The following FOXN3 variants were observed in gnomAD, a reference collection of about 807,000 sequenced individuals.
The protein encoded by FOXN3 is forkhead box N3, also known as forkhead box protein N3.
In FOXN3, 7 loss-of-function variants were observed where a neutral mutation model predicts 38.4. That is an observed-to-expected ratio of 0.18 (90% CI 0.10 to 0.34). The LOEUF (loss-of-function observed/expected upper bound fraction) is 0.34, where lower values mean the gene tolerates loss of function less well. FOXN3 is among the 10% of genes least tolerant of loss of function. The pLI, the probability that FOXN3 is intolerant of heterozygous loss-of-function variation, is 1.00. For missense variants in FOXN3, 456 were observed against 613.4 expected (o/e 0.74, Z 2.71); for synonymous variants, 230 against 242.2 (o/e 0.95, Z 0.47).
rs934828190 is a variant in FOXN3, at chr14:89,448,766, C to T, written c.-14-36276G>A. 1.1e-4 allele frequency among the ~76,000 whole-genome samples: 17 copies of T among 151,562 alleles called. 1 individual carries two copies. The highest frequency in any genetic ancestry group is 2.4e-4 in the African/African-American group (10 of 41,270). On this transcript the variant is annotated intron_variant, in intron 1 of 6. Transcript: ENST00000345097. Reference sequence around the variant, plus strand: ...CCAGCCTGGGCAACATCAGGAGACCCCATCTCTAAAAAAAAAATACAAAAA... The same window carrying T: ...CCAGCCTGGGCAACATCAGGAGACCTCATCTCTAAAAAAAAAATACAAAAA...
At chr14:89,506,132 C>T (rs1244898574) in intron 1 of FOXN3, among the ~76,000 whole-genome samples, 2 of 127,924 alleles carry the variant, frequency 1.6e-5, no homozygotes, top group East Asian at 2.2e-4. Context: ...CGCCTCTGCC[C>T]GGCCGCCCCT....
chr14:89,489,792 T>C (rs1208589024), intron 1 of FOXN3, among the ~76,000 whole-genome samples: 1 of 152,214 alleles, frequency 6.6e-6, no homozygotes, highest in Non-Finnish European at 1.5e-5. Context: ...GGCACACATT[T>C]ACACAGAAAC....
intron 2 of FOXN3, among the ~76,000 whole-genome samples, chr14:89,411,175 A>C (rs943665067): frequency 1.3e-5 from 2 of 151,726 alleles, no homozygotes; most frequent in Admixed American, 6.6e-5. Context: ...TCTTATGAGA[A>C]TCTAATGACT....
chr14:89,519,866 T>C (rs1220397967), intron 1 of FOXN3, among the ~76,000 whole-genome samples: 1 of 152,074 alleles, frequency 6.6e-6, no homozygotes, highest in African/African-American at 2.4e-5. Flanking sequence ...AACCTTAGAC[T>C]GGAAAACAAT....
chr14:89,198,168 C>T (rs1888145772), intron 4 of FOXN3, among the ~76,000 whole-genome samples: 1 of 152,132 alleles, frequency 6.6e-6, no homozygotes, highest in African/African-American at 2.4e-5. Context: ...GAGATGATGG[C>T]CGCGTCTGTA....
At chr14:89,448,675 A>T (rs756445148) in intron 1 of FOXN3, among the ~76,000 whole-genome samples, 8 of 152,050 alleles carry the variant, frequency 5.3e-5, no homozygotes, top group Non-Finnish European at 7.4e-5. Context: ...GCGGTGGCTA[A>T]CACCTGTATT....
chr14:89,286,574 C>T (rs1476713036), intron 3 of FOXN3, among the ~76,000 whole-genome samples: 1 of 152,144 alleles, frequency 6.6e-6, no homozygotes, highest in Admixed American at 6.6e-5. Context: ...CTGCAATTTC[C>T]CCAGGAATAA....
intron 1 of FOXN3, among the ~76,000 whole-genome samples, chr14:89,447,558 T>C (rs1892528818): frequency 6.6e-6 from 1 of 152,120 alleles, no homozygotes; most frequent in Admixed American, 6.6e-5. Context: ...AAAAACACTG[T>C]GTGGCACCTA....
At chr14:89,512,723 T>C (rs1467785654) in intron 1 of FOXN3, among the ~76,000 whole-genome samples, 1 of 152,240 alleles carries the variant, frequency 6.6e-6, no homozygotes, top group African/African-American at 2.4e-5. Context: ...CTCAAAATAA[T>C]CAATGTGTCA....
intron 4 of FOXN3, among the ~76,000 whole-genome samples, chr14:89,183,743 ATG>A (rs1265299990): frequency 6.6e-6 from 1 of 152,268 alleles, no homozygotes; most frequent in African/African-American, 2.4e-5. Context: ...CAGAAATGAG[ATG>A]TGTTTGGACT....
intron 1 of FOXN3, among the ~76,000 whole-genome samples, chr14:89,465,834 G>A (rs1332284374): frequency 6.6e-6 from 1 of 152,214 alleles, no homozygotes; most frequent in Non-Finnish European, 1.5e-5. Context: ...CTTTCTAGAT[G>A]CAGTAAGCTA....
chr14:89,575,195 C>T (rs1328148915), intron 1 of FOXN3, among the ~76,000 whole-genome samples: 3 of 152,164 alleles, frequency 2.0e-5, no homozygotes, highest in African/African-American at 7.2e-5. Flanking sequence ...TTCTGCCAAC[C>T]CACGAAGGGG....
At position 89,249,137 on chromosome 14, in the gene FOXN3, T is replaced by A. The variant is rs77534716; in HGVS notation, c.745+31813A>T. On this transcript the variant is annotated intron_variant, in intron 4 of 5. Transcript: ENST00000557258. ...CAGGGGCTCATTCAAATCAAGTCTC[T>A]TGAGAGTCTGGACACAACAGATACA... Among the ~76,000 whole-genome samples the A allele has an allele frequency of 2.0e-3, 308 of 152,322 alleles. 1 individual carries two copies. The highest frequency in any genetic ancestry group is 6.9e-3 in the African/African-American group (288 of 41,566).
chr14:89,246,450 A>G (rs1052143259), intron 4 of FOXN3, among the ~76,000 whole-genome samples: 1 of 151,308 alleles, frequency 6.6e-6, no homozygotes, highest in Non-Finnish European at 1.5e-5. Context: ...CACAATGAAG[A>G]GTAATTCTAC....
intron 4 of FOXN3, among the ~76,000 whole-genome samples, chr14:89,241,164 G>A (rs937797860): frequency 6.6e-6 from 1 of 152,178 alleles, no homozygotes; most frequent in Non-Finnish European, 1.5e-5. Flanking sequence ...TGACACAACG[G>A]CATTGCTCTT....
chr14:89,274,361 A>T (rs1886237765), intron 4 of FOXN3, among the ~76,000 whole-genome samples: 1 of 152,222 alleles, frequency 6.6e-6, no homozygotes, highest in Non-Finnish European at 1.5e-5. Flanking sequence ...TATACCTATG[A>T]GAATGAATGG....
chr14:89,335,473 T>TC (rs1440175036), intron 3 of FOXN3, among the ~76,000 whole-genome samples: 1 of 152,240 alleles, frequency 6.6e-6, no homozygotes, highest in Non-Finnish European at 1.5e-5. Context: ...ATTCCTACGA[T>TC]CTAAGTCTTG....
chr14:89,497,118 C>A lies in FOXN3; in HGVS notation c.-14-84628G>T, dbSNP rs1358022181. 2.0e-5 allele frequency among the ~76,000 whole-genome samples: 3 copies of A among 152,108 alleles called. No homozygotes were observed. In the East Asian group the frequency reaches 5.8e-4, roughly 29 times the overall value. On this transcript the variant is annotated intron_variant, in intron 1 of 6. Transcript: ENST00000345097. ...TACAGGCGCCCACCACCACACCTAG[C>A]TAATTTTTGTATTTTTTAGTGGAGA...
intron 2 of FOXN3, among the ~76,000 whole-genome samples, chr14:89,373,616 T>C (rs905710171): frequency 2.6e-5 from 4 of 152,188 alleles, no homozygotes; most frequent in Non-Finnish European, 5.9e-5. Flanking sequence ...ACTAATACGT[T>C]AGCTCTATGA....
Sources: allele counts gnomAD v4.1 joint callset (sites outside exome capture counted in the v4.1 genomes callset), GRCh38; gene constraint gnomAD v4.1.1; transcripts MANE v1.5; gene names NCBI Gene and HGNC (gene_info 2026-07-23, HGNC 2026-07-21).